ADRM1: variants seen among roughly 807,000 people sequenced by gnomAD.
ADRM1 encodes the protein ADRM1 26S proteasome ubiquitin receptor, also known as proteasomal ubiquitin receptor ADRM1.
ADRM1 carries 2 observed loss-of-function variants against 40.1 expected under a neutral mutation model. That is an observed-to-expected ratio of 0.05 (90% CI 0.02 to 0.16). The LOEUF (loss-of-function observed/expected upper bound fraction) is 0.16. Ranked by LOEUF, ADRM1 falls within the 10% of genes least tolerant of loss-of-function variation. The pLI is 1.00. For missense variants in ADRM1, 467 were observed against 552.5 expected (o/e 0.85, Z 1.55); for synonymous variants, 287 against 240.4 (o/e 1.19, Z -1.79).
intron 9 of ADRM1, 71 bp downstream of exon 9, chr20:62,308,541 A>G (rs1985519040): frequency 1.3e-6 from 2 of 1,560,710 alleles, no homozygotes; most frequent in Non-Finnish European, 1.7e-6. Context: ...CTGGATCTGC[A>G]GAAGTGGGGC....
intron 3 of ADRM1, 130 bp from the exon 4 acceptor site, chr20:62,306,067 C>A: frequency 7.7e-7 from 1 of 1,291,992 alleles, no homozygotes; most frequent in Non-Finnish European, 1.1e-6. Flanking sequence ...GTCTCCTCAG[C>A]ATTGTGTGGC....
In ADRM1 at chr20:62,307,781, T is replaced by G. The variant is rs1434986703; in HGVS notation, c.809T>G (p.Ile270Ser). 3.1e-6 allele frequency: 5 copies of G among 1,611,272 alleles called. No individual in the cohort carries two copies. The highest frequency in any genetic ancestry group is 1.3e-5 in the African/African-American group (1 of 74,914). Residue 270 changes from isoleucine to serine, a missense_variant, in exon 7 of 10, where the codon ATC becomes AGC. Ile to Ser is a moderately radical substitution (Grantham distance 142). This residue lies in a region of ADRM1 where 418 missense variants were observed against 474.6 expected (regional missense o/e 0.88). Transcript: ENST00000253003. The stretch of plus-strand genomic sequence containing the variant: ...ATCCAGCTGAGCGACCTCCAGAGCA[T>G]CCTGGCCACGATGAACGTACCAGCC... ...QPIQLSDLQS[I>S]LATMNVPAGP...
chr20:62,308,336 G>C, intron 8 of ADRM1, 32 bp from the exon 9 acceptor site: 1 of 1,571,524 alleles, frequency 6.4e-7, no homozygotes, highest in Non-Finnish European at 8.6e-7. Flanking sequence ...AGCCCGGGTT[G>C]GAGCTCAGCC....
chr20:62,307,643 C>A lies in ADRM1; in HGVS notation c.671C>A (p.Ser224Tyr), dbSNP rs1601245516. Residue 224 changes from serine (S) to tyrosine (Y), a missense_variant, in exon 7 of 10, where the codon TCC (serine) becomes TAC (tyrosine). Transcript: ENST00000253003. ...GTCACCCCGTCATCCACCACCTCTT[C>A]CACCCGTGCCACCCCAGCCCCTTCT... is the stretch of plus-strand genomic sequence containing the variant. The part of the protein sequence containing the change: ...AAVTPSSTTS[S>Y]TRATPAPSAP... 1 of 1,612,084 alleles carries A rather than the reference C, an allele frequency of 6.2e-7. No individual in the cohort carries two copies. The highest frequency in any genetic ancestry group is 2.2e-5 in the East Asian group (1 of 44,878).
At chr20:62,307,510 G>GA in intron 6 of ADRM1, 58 bp downstream of exon 6, 6 of 1,599,390 alleles carry the variant, frequency 3.8e-6, no homozygotes, top group Non-Finnish European at 5.1e-6. Context: ...GGGCAGTGGG[G>GA]AATCCTGGCC....
In ADRM1 at chr20:62,306,641, T is replaced by C. The variant is rs759912708; in HGVS notation, c.455-7T>C. The C allele has an allele frequency of 1.9e-6, 3 of 1,604,944 alleles. No homozygotes were observed. The African/African-American group carries it at 4.0e-5, about 21-fold the overall frequency. The stretch of plus-strand genomic sequence containing the variant: ...GGCAGGCCCGCCTGAGCTGCAGTGT[T>C]TTCCAGGTGAGGGTGGCCTGCAGAG... On this transcript the variant is annotated splice_region_variant and splice_polypyrimidine_tract_variant and intron_variant, in intron 4 of 9. Coordinates refer to ENST00000253003, the MANE Select transcript of ADRM1 (RefSeq NM_007002.4).
chr20:62,305,975 A>G (rs1015197236), intron 3 of ADRM1: 28 of 563,532 alleles, frequency 5.0e-5, no homozygotes, highest in Admixed American at 2.5e-4. Flanking sequence ...CACACCCGGG[A>G]TTGCGGCGGA....
chr20:62,308,747 A>T lies in ADRM1; in HGVS notation c.1210A>T (p.Met404Leu). ...TKDKKDEEED[M>L]SLD is the part of the protein sequence containing the mutation. ...GGACAAGAAGGACGAAGAGGAGGAC[A>T]TGAGCCTGGACTGAGCCACGCGCCG... is the stretch of plus-strand genomic sequence containing the variant. Residue 404 changes from methionine to leucine, a missense_variant, in exon 10 of 10, where the codon ATG becomes TTG. By Grantham distance (15) the Met-to-Leu change is conservative. Coordinates refer to ENST00000253003, the MANE Select transcript of ADRM1 (RefSeq NM_007002.4). The T allele has an allele frequency of 6.2e-7, 1 of 1,612,756 alleles. No homozygotes were observed. The highest frequency in any genetic ancestry group is 8.5e-7 in the Non-Finnish European group (1 of 1,179,780).
In ADRM1 at chr20:62,308,349, C is replaced by G. The variant is rs182655445; in HGVS notation, c.1015-19C>G. 2.5e-6 allele frequency: 4 copies of G among 1,583,260 alleles called. No homozygotes were observed. In the African/African-American group the frequency reaches 5.4e-5, roughly 21 times the overall value. ...GCAGCCCGGGTTGGAGCTCAGCCCT[C>G]GCCTGGCTCTTCTTGCAGGCCCTGG... On this transcript the variant is annotated intron_variant, in intron 8 of 9. Transcript: ENST00000253003.
At position 62,306,299 on chromosome 20, in the gene ADRM1, C is replaced by G; in HGVS notation, c.433C>G (p.His145Asp). 1 of 1,612,884 alleles carries G rather than the reference C, an allele frequency of 6.2e-7. No individual in the cohort carries two copies. The highest frequency in any genetic ancestry group is 1.1e-5 in the South Asian group (1 of 91,084). ...GALGASGSSG[H>D]ELSALGGEGG... is the part of the protein sequence containing the mutation. ...GCTGGGGGCCAGCGGAAGCAGCGGC[C>G]ACGAACTCTCTGCGCTAGGCGGTAA... Residue 145 changes from histidine to aspartate, a missense_variant, in exon 4 of 10, where the codon CAC becomes GAC. His to Asp is a moderately conservative substitution (Grantham distance 81). Around this residue, in one of 3 missense-constraint regions of ADRM1, gnomAD observed 418 missense variants for 474.6 expected, o/e 0.88. Coordinates refer to ENST00000253003, the MANE Select transcript of ADRM1 (RefSeq NM_007002.4).
At chr20:62,305,992 CAG>C (rs1246958503) in intron 3 of ADRM1, 6 of 609,010 alleles carry the variant, frequency 9.9e-6, no homozygotes, top group Non-Finnish European at 1.4e-5. Flanking sequence ...CGGATGGGGA[CAG>C]GGCGCAGAGC....
intron 5 of ADRM1, among the ~76,000 whole-genome samples, chr20:62,307,078 G>A (rs1052914036): frequency 8.5e-5 from 13 of 152,232 alleles, no homozygotes; most frequent in African/African-American, 2.4e-4. Flanking sequence ...GTGCAGACCC[G>A]TGTGCTTGGC....
Position 62,306,670 on chromosome 20 carries a change from G to T in ADRM1, c.477G>T (p.Leu159=). 1 of 1,609,840 alleles carries T rather than the reference G, an allele frequency of 6.2e-7. No homozygotes were observed. Among genetic ancestry groups the T allele is most frequent in the Non-Finnish European group, 8.5e-7 (1 of 1,178,616 alleles). Residue 159 remains leucine (L), a synonymous_variant, in exon 5 of 10, where the codon CTG becomes CTT. Coordinates refer to ENST00000253003, the MANE Select transcript of ADRM1 (RefSeq NM_007002.4). Reference sequence around the variant, plus strand: ...CAGGTGAGGGTGGCCTGCAGAGCCTGCTGGGAAACATGAGCCACAGCCAGC... The same window carrying T: ...CAGGTGAGGGTGGCCTGCAGAGCCTTCTGGGAAACATGAGCCACAGCCAGC... ...ALGGEGGLQS[L]LGNMSHSQLM...
In ADRM1 at chr20:62,308,722, G is replaced by A. The variant is rs777128571; in HGVS notation, c.1185G>A (p.Lys395=). 3 of 1,612,448 alleles carry A rather than the reference G, an allele frequency of 1.9e-6. No homozygotes were observed. Among genetic ancestry groups the A allele is most frequent in the South Asian group, 2.2e-5 (2 of 91,050 alleles). ...CCGAGCAGAAAGAGGGCGACACGAA[G>A]GACAAGAAGGACGAAGAGGAGGACA... ...AKPEQKEGDT[K]DKKDEEEDMS... Residue 395 remains lysine (K), a synonymous_variant, in exon 10 of 10, where the codon AAG becomes AAA. Transcript: ENST00000253003.
At chr20:62,307,476 G>T in intron 6 of ADRM1, 24 bp downstream of exon 6, 2 of 1,605,924 alleles carry the variant, frequency 1.2e-6, no homozygotes, top group East Asian at 4.5e-5. Flanking sequence ...CTCCTGCCAC[G>T]CAGGTGCCAC....
At chr20:62,308,606 A>C (rs1386415700) in intron 9 of ADRM1, 49 bp from the exon 10 acceptor site, 1 of 1,605,402 alleles carries the variant, frequency 6.2e-7, no homozygotes, top group East Asian at 2.2e-5. Flanking sequence ...TTTGATCCCC[A>C]GTTCTGGGCA....
chr20:62,303,679 C>T lies in ADRM1; in HGVS notation c.111C>T (p.Thr37=), dbSNP rs756101005. 1.9e-6 allele frequency: 3 copies of T among 1,612,432 alleles called. No homozygotes were observed. Among genetic ancestry groups the T allele is most frequent in the South Asian group, 1.1e-5 (1 of 91,074 alleles). ...GAAAGATGTCCCTGAAGGGGACCAC[C>T]GTGACTCCGGATAAGCGGAAAGGGC... The part of the protein sequence containing the change: ...RAGKMSLKGT[T]VTPDKRKGLV... The change falls in exon 2 of 10, where the codon ACC becomes ACT. Residue 37 remains threonine (T), a synonymous_variant. Coordinates refer to ENST00000253003, the MANE Select transcript of ADRM1 (RefSeq NM_007002.4).
At chr20:62,308,255 C>T in intron 8 of ADRM1, 77 bp downstream of exon 8, 1 of 1,541,554 alleles carries the variant, frequency 6.5e-7, no homozygotes, top group East Asian at 2.3e-5. Context: ...CCTGCCCCAC[C>T]TTCACCATGG....
chr20:62,304,680 C>T (rs1984628227), intron 3 of ADRM1, 103 bp downstream of exon 3: 5 of 1,031,004 alleles, frequency 4.8e-6, no homozygotes, highest in Non-Finnish European at 6.0e-6. Context: ...CAGCAGGCGC[C>T]GGCCACACCC....
Sources: gnomAD v4.1 joint callset for allele counts (sites outside exome capture counted in the v4.1 genomes callset) on GRCh38, gnomAD v4.1.1 for gene constraint, gnomAD v4.1.1 regional missense constraint, MANE v1.5 for transcripts, NCBI Gene and HGNC (gene_info 2026-07-23, HGNC 2026-07-21) for gene names.